SLC6A16: variants seen among roughly 807,000 people sequenced by gnomAD.
The protein encoded by SLC6A16 is orphan sodium- and chloride-dependent neurotransmitter transporter NTT5.
In SLC6A16, 54 loss-of-function variants were observed where a neutral mutation model predicts 65.4. That is an observed-to-expected ratio of 0.83 (90% confidence interval 0.66 to 1.04). The LOEUF (loss-of-function observed/expected upper bound fraction) is 1.04. Ranked by LOEUF, SLC6A16 falls within the 50% of genes least tolerant of loss-of-function variation. The pLI, the probability that SLC6A16 is intolerant of heterozygous loss-of-function variation, is 0.00. For synonymous variants in SLC6A16, 330 were observed against 346.5 expected (o/e 0.95, Z 0.53); for missense variants, 816 against 914.0 (o/e 0.89, Z 1.38).
At chr19:49,325,359 C>G, upstream of SLC6A16, 1 of 519,406 alleles carries the variant, frequency 1.9e-6, no homozygotes, top group South Asian at 8.3e-5. Flanking sequence ...TCACGCGCCA[C>G]TCCCTTCCCC....
At chr19:49,333,757 A>G in the SLC6A16 span, among the ~76,000 whole-genome samples, 1 of 152,170 alleles carries the variant, frequency 6.6e-6, no homozygotes, top group Non-Finnish European at 1.5e-5. Context: ...CTGTTGGGGA[A>G]GAGGGGACAA....
At chr19:49,331,563 T>G in the SLC6A16 span, 1 of 354,204 alleles carries the variant, frequency 2.8e-6, no homozygotes, top group Non-Finnish European at 5.6e-6. Flanking sequence ...GGTTAGCTGA[T>G]TTAACAAACA....
the SLC6A16 span, among the ~76,000 whole-genome samples, chr19:49,331,013 G>C: frequency 6.6e-6 from 1 of 151,546 alleles, no homozygotes; most frequent in East Asian, 1.9e-4. Flanking sequence ...TTCGCTTCCC[G>C]AGACTGCTGT....
At position 49,308,439 on chromosome 19, in the gene SLC6A16, C is replaced by T. The variant is rs548837557; in HGVS notation, c.1229+437G>A. Among the ~76,000 whole-genome samples the T allele has an allele frequency of 2.9e-4, 44 of 152,010 alleles. 1 individual carries two copies. Among genetic ancestry groups the T allele is most frequent in the African/African-American group, 1.1e-3 (44 of 41,464 alleles). ...CTGCACTCCAGCCTGGGTGAAAGAGCGAGACTCCATCTCAAAAAATAAAAA... is the reference window on the plus strand; with the variant it reads ...CTGCACTCCAGCCTGGGTGAAAGAGTGAGACTCCATCTCAAAAAATAAAAA... On this transcript the variant is annotated intron_variant, in intron 7 of 11. Transcript: ENST00000335875.
chr19:49,339,402 G>GGCAAAAT, the SLC6A16 span: 1 of 1,613,848 alleles, frequency 6.2e-7, no homozygotes, highest in East Asian at 2.2e-5. This position sits in a 1 kb window ranked among gnomAD's most constrained non-coding sequence, Gnocchi z 4.5. Context: ...CCTGGGCGTC[G>GGCAAAAT]GCCTACTCGA....
the SLC6A16 span, chr19:49,336,784 G>A: frequency 3.1e-6 from 3 of 974,038 alleles, no homozygotes; most frequent in Admixed American, 4.8e-5. Context: ...GGTGGGGCAG[G>A]GACAGAGTCC....
intron 1 of SLC6A16, among the ~76,000 whole-genome samples, chr19:49,319,854 A>T (rs189201193): frequency 2.0e-5 from 3 of 152,324 alleles, no homozygotes; most frequent in Admixed American, 2.0e-4. Flanking sequence ...TTAGAATGAT[A>T]AATATCATAC....
chr19:49,312,892 A>T (rs1181884213), intron 1 of SLC6A16, among the ~76,000 whole-genome samples: 1 of 152,118 alleles, frequency 6.6e-6, no homozygotes, highest in Non-Finnish European at 1.5e-5. Flanking sequence ...TAAAAATGCA[A>T]TGAAAGGCTG....
chr19:49,294,695 G>T, intron 7 of SLC6A16, 142 bp from the exon 8 acceptor site: 1 of 733,230 alleles, frequency 1.4e-6, no homozygotes, highest in Non-Finnish European at 2.2e-6. Context: ...ATGAATCCTA[G>T]AAGGCACCCG....
At chr19:49,296,228 C>T (rs1970183812) in intron 7 of SLC6A16, among the ~76,000 whole-genome samples, 1 of 152,140 alleles carries the variant, frequency 6.6e-6, no homozygotes, top group Non-Finnish European at 1.5e-5. Flanking sequence ...TTCAGGTGAT[C>T]TGCCCGCCTC....
the SLC6A16 span, chr19:49,336,868 T>C: frequency 6.4e-5 from 103 of 1,607,776 alleles, no homozygotes; most frequent in Non-Finnish European, 8.4e-5. Context: ...TGCCTGGAGC[T>C]GTGCCACACA....
At chr19:49,294,666 G>A (rs1729482580) in intron 7 of SLC6A16, 113 bp from the exon 8 acceptor site, 1 of 981,834 alleles carries the variant, frequency 1.0e-6, no homozygotes, top group African/African-American at 1.6e-5. Context: ...TTACTGATCT[G>A]GGTAAGATAG....
chr19:49,302,720 G>C (rs923555337), intron 7 of SLC6A16, among the ~76,000 whole-genome samples: 1 of 152,098 alleles, frequency 6.6e-6, no homozygotes, highest in Non-Finnish European at 1.5e-5. Flanking sequence ...TAAAAGAACA[G>C]AGAAAACAAT....
chr19:49,332,727 T>C, the SLC6A16 span, among the ~76,000 whole-genome samples: 1 of 152,230 alleles, frequency 6.6e-6, no homozygotes, highest in Non-Finnish European at 1.5e-5. Context: ...GAGAACGCCA[T>C]GCAACCCACT....
At chr19:49,291,206 T>C (rs780949184) in intron 10 of SLC6A16, among the ~76,000 whole-genome samples, 2 of 151,952 alleles carry the variant, frequency 1.3e-5, no homozygotes, top group Non-Finnish European at 2.9e-5. Flanking sequence ...TCTCAATAAA[T>C]ATACAAGTGG....
intron 5 of SLC6A16, 62 bp from the exon 6 acceptor site, chr19:49,309,473 A>T (rs1369209345): frequency 4.3e-6 from 6 of 1,386,034 alleles, no homozygotes; most frequent in Non-Finnish European, 6.1e-6. Context: ...AACAGTTAGG[A>T]GGGATCAAAA....
intron 7 of SLC6A16, among the ~76,000 whole-genome samples, chr19:49,305,324 G>A (rs932379706): frequency 5.3e-5 from 8 of 152,162 alleles, no homozygotes; most frequent in African/African-American, 1.7e-4. Context: ...GGGTGTGGTG[G>A]CTCACGCCTG....
chr19:49,301,853 C>T (rs1242577667), intron 7 of SLC6A16, among the ~76,000 whole-genome samples: 1 of 152,158 alleles, frequency 6.6e-6, no homozygotes, highest in Non-Finnish European at 1.5e-5. Context: ...CAGCTGCTGC[C>T]TCTACAAGTG....
chr19:49,318,868 ATT>A (rs71180618), intron 1 of SLC6A16, among the ~76,000 whole-genome samples: 32 of 104,590 alleles, frequency 3.1e-4, no homozygotes, highest in African/African-American at 1.1e-3. Context: ...ACAACTGGCT[ATT>A]TTTTTTTTTT....
Sources: gnomAD v4.1 joint callset for allele counts (sites outside exome capture counted in the v4.1 genomes callset) on GRCh38, gnomAD v4.1.1 for gene constraint, Gnocchi (gnomAD v3.1) non-coding constraint, MANE v1.5 for transcripts, NCBI Gene and HGNC (gene_info 2026-07-23, HGNC 2026-07-21) for gene names.